Variants in DUS1L observed in about 807,000 individuals in gnomAD.
The protein encoded by DUS1L is dihydrouridine synthase 1 like.
A neutral mutation model predicts 61.2 loss-of-function variants in DUS1L; 56 were observed. The ratio of observed to expected loss-of-function variants is 0.92; its 90% CI spans 0.74 to 1.14. The LOEUF (loss-of-function observed/expected upper bound fraction) is 1.14. DUS1L is among the 50% of genes most tolerant of loss of function. The pLI is 0.00. For synonymous variants in DUS1L, 278 were observed against 259.5 expected (o/e 1.07, Z -0.69); for missense variants, 630 against 632.4 (o/e 1.00, Z 0.04).
chr17:82,064,057 C>A, intron 3 of DUS1L, 69 bp downstream of exon 3: 1 of 1,412,868 alleles, frequency 7.1e-7, no homozygotes, highest in African/African-American at 1.4e-5. Flanking sequence ...AAGCTCACCA[C>A]ACCTGGGGCT....
chr17:82,061,139 C>T, intron 8 of DUS1L, 70 bp downstream of exon 8: 1 of 1,557,824 alleles, frequency 6.4e-7, no homozygotes. Flanking sequence ...GCAAAATGCC[C>T]CAGGTGGGGT....
rs1317831466 is a variant in DUS1L at position 82,057,610 on chromosome 17, A to G, written c.*505T>C. Reference sequence around the variant, plus strand: ...GAGAAGCCTGGCCCTCAGATTCAACAGCCCCCAGCAGCAGCCACTGTGGCC... The same window carrying G: ...GAGAAGCCTGGCCCTCAGATTCAACGGCCCCCAGCAGCAGCCACTGTGGCC... On this transcript the variant is annotated 3_prime_UTR_variant, in exon 14 of 14. Coordinates refer to ENST00000306796, the MANE Select transcript of DUS1L (RefSeq NM_022156.5). 1.2e-5 allele frequency: 3 copies of G among 257,524 alleles called. No homozygotes were observed. The highest frequency in any genetic ancestry group is 2.3e-5 in the Non-Finnish European group (3 of 128,236). 16.0% of individuals were successfully genotyped at this position (257,524 alleles called of 1,614,324 possible).
intron 7 of DUS1L, 105 bp from the exon 8 acceptor site, chr17:82,061,458 G>A: frequency 6.7e-7 from 1 of 1,486,910 alleles, no homozygotes; most frequent in South Asian, 1.3e-5. Flanking sequence ...CCTCACAAGG[G>A]ACAAGGCCAG....
At chr17:82,063,332 G>T in intron 4 of DUS1L, 136 bp downstream of exon 4, 2 of 1,214,030 alleles carry the variant, frequency 1.6e-6, no homozygotes, top group Non-Finnish European at 2.4e-6. Flanking sequence ...GGCTGCTGTG[G>T]GCAGGAAGCC....
rs4280314 is a variant in DUS1L at position 82,058,576 on chromosome 17, C to T, written c.1207-160G>A. ...AAGCCAGATGCCTCTCCCTCACCCC[C>T]ACCCACCCAGACTCTCTTCCCCTCC... On this transcript the variant is annotated intron_variant, in intron 12 of 13. Coordinates refer to ENST00000306796, the MANE Select transcript of DUS1L (RefSeq NM_022156.5). 7 of 1,447,872 alleles carry T rather than the reference C, an allele frequency of 4.8e-6. 1 individual carries two copies. The South Asian group carries it at 1.0e-4, about 21-fold the overall frequency. The allele number at this position is 1,447,872 out of a possible 1,614,324, so 89.7% of individuals were successfully genotyped here. A position where few individuals can be genotyped will look rare whatever the true frequency, so the allele number is the denominator to read the frequency against.
chr17:82,058,032 A>G lies in DUS1L; in HGVS notation c.*83T>C. 7.0e-7 allele frequency: 1 copy of G among 1,423,788 alleles called. No individual in the cohort carries two copies. The highest frequency in any genetic ancestry group is 9.2e-7 in the Non-Finnish European group (1 of 1,083,260). The allele number at this position is 1,423,788 out of a possible 1,614,324, so 88.2% of individuals were successfully genotyped here. ...GTGTCTTTCCACATTAAGTAGCAGG[A>G]GATTCCCTGAGTAAAAGGCATTTTC... On this transcript the variant is annotated 3_prime_UTR_variant, in exon 14 of 14. Coordinates refer to ENST00000306796, the MANE Select transcript of DUS1L (RefSeq NM_022156.5).
At position 82,063,484 on chromosome 17, in the gene DUS1L, G is replaced by A; in HGVS notation, c.381C>T (p.Asp127=). Residue 127 remains aspartate, a synonymous_variant, in exon 4 of 14, where the codon GAC becomes GAT. Coordinates refer to ENST00000306796, the MANE Select transcript of DUS1L (RefSeq NM_022156.5). The part of the protein sequence containing the change: ...HYGAFLQDEW[D]LLQRMILLAH... Reference sequence around the variant, plus strand: ...CCAACTCACTCATTCTTTGGAGCAGGTCCCACTCGTCCTGCAGAAAGGCGC... The same window carrying A: ...CCAACTCACTCATTCTTTGGAGCAGATCCCACTCGTCCTGCAGAAAGGCGC... 1 of 1,613,758 alleles carries A rather than the reference G, an allele frequency of 6.2e-7. No individual in the cohort carries two copies. Among genetic ancestry groups the A allele is most frequent in the South Asian group, 1.1e-5 (1 of 91,086 alleles).
At chr17:82,062,063 C>T (rs1468098866) in intron 5 of DUS1L, 80 bp from the exon 6 acceptor site, 4 of 1,294,360 alleles carry the variant, frequency 3.1e-6, no homozygotes, top group Non-Finnish European at 3.1e-6. Context: ...CACGCCCCCT[C>T]TGCCCCTACT....
rs1286984795 is a variant in DUS1L, at chr17:82,065,029, T to C, written c.31A>G (p.Ser11Gly). 15 of 1,605,580 alleles carry C rather than the reference T, an allele frequency of 9.3e-6. No individual in the cohort carries two copies. Among genetic ancestry groups the C allele is most frequent in the Non-Finnish European group, 1.3e-5 (15 of 1,175,574 alleles). ...TGGCGGGCCCCTCGCAGGGTGCGGCTCCAGAACTCGAAGCCCTGCAGCTTT... is the reference window on the plus strand; with the variant it reads ...TGGCGGGCCCCTCGCAGGGTGCGGCCCCAGAACTCGAAGCCCTGCAGCTTT... MPKLQGFEFW[S>G]RTLRGARHVV... The change falls in exon 2 of 14, where the codon AGC becomes GGC. Residue 11 changes from serine (S) to glycine (G), a missense_variant. Physicochemically the swap from Ser to Gly is moderately conservative, Grantham distance 56 (BLOSUM62 0). Transcript: ENST00000306796.
intron 11 of DUS1L, chr17:82,059,697 T>C: frequency 1.9e-6 from 1 of 532,164 alleles, no homozygotes. Context: ...TTCACCTGGC[T>C]GAAAAGCTTG....
At chr17:82,060,210 G>T (rs1024005678) in intron 10 of DUS1L, 117 bp from the exon 11 acceptor site, 4 of 1,217,512 alleles carry the variant, frequency 3.3e-6, no homozygotes, top group East Asian at 2.8e-5. Flanking sequence ...TGCCGCTGCT[G>T]TGAGGAGTGC....
At position 82,065,002 on chromosome 17, in the gene DUS1L, C is replaced by T. The variant is rs534135233; in HGVS notation, c.58G>A (p.Val20Ile). Reference sequence around the variant, plus strand: ...CTCTGGTCCACCATGGGGGCCACGACGTGGCGGGCCCCTCGCAGGGTGCGG... The same window carrying T: ...CTCTGGTCCACCATGGGGGCCACGATGTGGCGGGCCCCTCGCAGGGTGCGG... ...WSRTLRGARH[V>I]VAPMVDQSEL... The change falls in exon 2 of 14, where the codon GTC becomes ATC. Residue 20 changes from valine (V) to isoleucine (I), a missense_variant. Transcript: ENST00000306796. The T allele has an allele frequency of 1.1e-5, 17 of 1,610,622 alleles. No individual in the cohort carries two copies. The highest frequency in any genetic ancestry group is 1.3e-5 in the African/African-American group (1 of 74,902).
intron 11 of DUS1L, 154 bp from the exon 12 acceptor site, chr17:82,058,972 T>C: frequency 1.5e-6 from 1 of 684,126 alleles, no homozygotes; most frequent in Admixed American, 2.3e-5. Flanking sequence ...GGATGCAGGC[T>C]GGCCACGTCT....
chr17:82,061,045 G>T, intron 8 of DUS1L, 84 bp from the exon 9 acceptor site: 1 of 1,547,566 alleles, frequency 6.5e-7, no homozygotes, highest in African/African-American at 1.4e-5. Flanking sequence ...ACGGGGACCT[G>T]TGTCTCTTCC....
In DUS1L at chr17:82,064,913, CAGCATGGGCGTGT is replaced by C; in HGVS notation, c.134_146del (p.Tyr45CysfsTer56). 1 of 1,612,700 alleles carries C rather than the reference CAGCATGGGCGTGT, an allele frequency of 6.2e-7. No homozygotes were observed. The highest frequency in any genetic ancestry group is 8.5e-7 in the Non-Finnish European group (1 of 1,179,880). The stretch of plus-strand genomic sequence containing the variant: ...CGTCGCGGACAAAGACCTGGGCATG[CAGCATGGGCGTGT>C]AGCAGAGCTGTGCCCCGTGGCGCCG... On this transcript the variant is annotated frameshift_variant, in exon 2 of 14. Transcript: ENST00000306796. LOFTEE classifies it high-confidence loss of function.
chr17:82,058,291 G>A, intron 13 of DUS1L, 37 bp from the exon 14 acceptor site: 1 of 1,542,050 alleles, frequency 6.5e-7, no homozygotes, highest in East Asian at 2.3e-5. Context: ...GGGTCAGGAG[G>A]CGGAGGGGGT....
At position 82,059,967 on chromosome 17, in the gene DUS1L, G is replaced by A. The variant is rs781141688; in HGVS notation, c.1149C>T (p.Thr383=). ...ACTTACGCTTCAGAGAGGGGTCGAA[G>A]GTCTTGTGGGGGTTCCTCAGCTGCT... is the stretch of plus-strand genomic sequence containing the variant. The part of the protein sequence containing the change: ...QKKQLRNPHK[T]FDPSLKPKYA... Residue 383 remains threonine, a synonymous_variant, in exon 11 of 14, where the codon ACC becomes ACT. Transcript: ENST00000306796. 1 of 1,613,998 alleles carries A rather than the reference G, an allele frequency of 6.2e-7. No individual in the cohort carries two copies. Among genetic ancestry groups the A allele is most frequent in the Admixed American group, 1.7e-5 (1 of 60,014 alleles).
At position 82,057,961 on chromosome 17, in the gene DUS1L, TGCA is replaced by T; in HGVS notation, c.*151_*153del. 1 of 956,068 alleles carries T rather than the reference TGCA, an allele frequency of 1.0e-6. No homozygotes were observed. The highest frequency in any genetic ancestry group is 1.5e-6 in the Non-Finnish European group (1 of 684,296). The allele number at this position is 956,068 out of a possible 1,614,324, so 59.2% of individuals were successfully genotyped here. A position where few individuals can be genotyped will look rare whatever the true frequency, so the allele number is the denominator to read the frequency against. ...GTCCAGCCTGGGGCCTGCTCCCCAC[TGCA>T]GCATTTCCAGGCCCCCAGAGTGGGC... is the stretch of plus-strand genomic sequence containing the variant. On this transcript the variant is annotated 3_prime_UTR_variant, in exon 14 of 14. Coordinates refer to ENST00000306796, the MANE Select transcript of DUS1L (RefSeq NM_022156.5).
rs777957524 is a variant in DUS1L at position 82,058,691 on chromosome 17, C to T, written c.1206+90G>A. On this transcript the variant is annotated intron_variant, in intron 12 of 13. Coordinates refer to ENST00000306796, the MANE Select transcript of DUS1L (RefSeq NM_022156.5). The stretch of plus-strand genomic sequence containing the variant: ...CACGTTGCAAACCCAGCTGGGCGGG[C>T]ACCAGACCTGCCACCCCAAGCAGTG... 29 of 1,587,298 alleles carry T rather than the reference C, an allele frequency of 1.8e-5. No individual in the cohort carries two copies. In the East Asian group the frequency reaches 5.0e-4, roughly 27 times the overall value.
Sources: gnomAD v4.1 joint callset for allele counts on GRCh38, gnomAD v4.1.1 for gene constraint, MANE v1.5 for transcripts, NCBI Gene and HGNC (gene_info 2026-07-23, HGNC 2026-07-21) for gene names.